CEMIP: variants seen among roughly 807,000 people sequenced by gnomAD.
CEMIP encodes cell migration-inducing and hyaluronan-binding protein.
A neutral mutation model predicts 156.9 loss-of-function variants in CEMIP; 105 were observed. The ratio of observed to expected loss-of-function variants is 0.67; its 90% CI spans 0.57 to 0.79. The LOEUF (loss-of-function observed/expected upper bound fraction) is 0.79. CEMIP is among the 30% of genes least tolerant of loss of function. The probability of loss-of-function intolerance (pLI) is 0.00; values close to 1 mark genes in which losing one functional copy is unlikely to be tolerated. For missense variants in CEMIP, 1,457 were observed against 1,769.4 expected, an observed-to-expected ratio of 0.82 and a Z score of 3.17; for synonymous variants, 676 against 668.4, an observed-to-expected ratio of 1.01 and a Z score of -0.17.
At chr15:80,896,174 G>A (rs752126339) in intron 12 of CEMIP, 114 bp downstream of exon 12, 6 of 1,075,466 alleles carry the variant, frequency 5.6e-6, no homozygotes, top group East Asian at 2.4e-5. Context: ...TAATAATGCT[G>A]CATAACAAAA....
At chr15:80,904,606 G>A (rs998588390) in intron 12 of CEMIP, among the ~76,000 whole-genome samples, 1 of 152,146 alleles carries the variant, frequency 6.6e-6, no homozygotes, top group Non-Finnish European at 1.5e-5. Context: ...ACACAGGAAG[G>A]TCAGAGTCAG....
intron 12 of CEMIP, among the ~76,000 whole-genome samples, chr15:80,896,618 A>T (rs546480876): frequency 2.0e-5 from 3 of 152,280 alleles, no homozygotes; most frequent in East Asian, 1.9e-4. Flanking sequence ...CTTGATTTAG[A>T]TGTCCTGTAA....
intron 1 of CEMIP, among the ~76,000 whole-genome samples, chr15:80,808,100 T>C (rs569275551): frequency 2.4e-4 from 36 of 152,226 alleles, no homozygotes; most frequent in Non-Finnish European, 5.1e-4. Flanking sequence ...TCACTCTTAG[T>C]AACCCTTTGA....
chr15:80,909,461 C>T (rs1337939076), intron 14 of CEMIP, 155 bp downstream of exon 14: 7 of 768,676 alleles, frequency 9.1e-6, no homozygotes, highest in South Asian at 8.8e-5. Context: ...AGCAGATCAC[C>T]AACCAAACAG....
intron 1 of CEMIP, among the ~76,000 whole-genome samples, chr15:80,824,152 G>C (rs1896975037): frequency 6.6e-6 from 1 of 152,160 alleles, no homozygotes; most frequent in South Asian, 2.1e-4. Context: ...GGCACACTGG[G>C]GGGCCCTGGG....
chr15:80,820,651 A>T (rs1896888830), intron 1 of CEMIP, among the ~76,000 whole-genome samples: 1 of 152,242 alleles, frequency 6.6e-6, no homozygotes, highest in South Asian at 2.1e-4. Context: ...AATAATAGTT[A>T]TTAAGGGCAC....
intron 3 of CEMIP, among the ~76,000 whole-genome samples, chr15:80,877,864 CAG>C (rs1898525254): frequency 6.6e-6 from 1 of 152,226 alleles, no homozygotes; most frequent in African/African-American, 2.4e-5. Context: ...ATAGGAAACA[CAG>C]ATGCCATCAG....
chr15:80,937,008 A>G (rs1029006582), intron 24 of CEMIP, 123 bp downstream of exon 24: 2 of 911,856 alleles, frequency 2.2e-6, no homozygotes, highest in Non-Finnish European at 1.8e-6. Context: ...AGGAGTACCT[A>G]GAGGGGTTGA....
In CEMIP at chr15:80,933,233, G is replaced by A. The variant is rs750152006; in HGVS notation, c.2794-12G>A. The A allele has an allele frequency of 1.9e-6, 3 of 1,612,106 alleles. No individual in the cohort carries two copies. Among genetic ancestry groups the A allele is most frequent in the Non-Finnish European group, 2.5e-6 (3 of 1,178,168 alleles). The stretch of plus-strand genomic sequence containing the variant: ...CTTCTAGCCCTGCCTAACTTTCCTG[G>A]GCTCTGTTTAGATTACTTCCAGAGT... On this transcript the variant is annotated splice_polypyrimidine_tract_variant and intron_variant, in intron 22 of 29. Coordinates refer to ENST00000394685, the MANE Select transcript of CEMIP (RefSeq NM_001293298.2).
chr15:80,791,018 T>C (rs1896067545), intron 1 of CEMIP, among the ~76,000 whole-genome samples: 1 of 152,102 alleles, frequency 6.6e-6, no homozygotes, highest in African/African-American at 2.4e-5. Context: ...AAGTGATATT[T>C]GATTGGGCCT....
intron 14 of CEMIP, among the ~76,000 whole-genome samples, chr15:80,910,808 T>C (rs1276751644): frequency 2.0e-5 from 3 of 152,206 alleles, no homozygotes; most frequent in African/African-American, 7.2e-5. Context: ...CATGTGGAGA[T>C]GCTGTCCACA....
intron 12 of CEMIP, chr15:80,897,117 A>G (rs1445248777): frequency 9.1e-6 from 3 of 331,480 alleles, no homozygotes; most frequent in Non-Finnish European, 1.8e-5. Flanking sequence ...GGGATATATT[A>G]CCAGAAGAAA....
At chr15:80,819,508 A>G (rs933096896) in intron 1 of CEMIP, among the ~76,000 whole-genome samples, 1 of 152,216 alleles carries the variant, frequency 6.6e-6, no homozygotes, top group African/African-American at 2.4e-5. Context: ...TGTCTTGATC[A>G]TGACAGGATG....
At position 80,931,856 on chromosome 15, in the gene CEMIP, T is replaced by C. The variant is rs1414580257; in HGVS notation, c.2613-3T>C. 9.3e-6 allele frequency: 15 copies of C among 1,613,572 alleles called. No homozygotes were observed. The highest frequency in any genetic ancestry group is 1.3e-5 in the African/African-American group (1 of 74,904). On this transcript the variant is annotated splice_polypyrimidine_tract_variant and splice_region_variant and intron_variant, in intron 21 of 29. Coordinates refer to ENST00000394685, the MANE Select transcript of CEMIP (RefSeq NM_001293298.2). Reference sequence around the variant, plus strand: ...CTGACATCTTACTTCCTTAACTCCGTAGGAATTTTCCAATTAGAGGAATTC... The same window carrying C: ...CTGACATCTTACTTCCTTAACTCCGCAGGAATTTTCCAATTAGAGGAATTC...
chr15:80,897,718 A>C (rs1040083383), intron 12 of CEMIP, among the ~76,000 whole-genome samples: 3 of 152,238 alleles, frequency 2.0e-5, no homozygotes, highest in Admixed American at 2.0e-4. Context: ...GTCCAAGTAA[A>C]TCTGGCAATG....
At chr15:80,923,364 G>C (rs955562414) in intron 17 of CEMIP, among the ~76,000 whole-genome samples, 5 of 152,192 alleles carry the variant, frequency 3.3e-5, no homozygotes, top group Non-Finnish European at 4.4e-5. Flanking sequence ...GCATACTGCT[G>C]TTGGTGGCAG....
At chr15:80,787,229 G>A (rs1378154146) in intron 1 of CEMIP, among the ~76,000 whole-genome samples, 1 of 152,252 alleles carries the variant, frequency 6.6e-6, no homozygotes, top group African/African-American at 2.4e-5. Flanking sequence ...TGGGCCTGGA[G>A]CCAGCTCTAA....
At chr15:80,925,513 A>C in intron 18 of CEMIP, 111 bp from the exon 19 acceptor site, 1 of 1,461,218 alleles carries the variant, frequency 6.8e-7, no homozygotes. Context: ...TGTTCAGTCA[A>C]TGCCTTCCTG....
intron 4 of CEMIP, among the ~76,000 whole-genome samples, chr15:80,879,481 C>T (rs1898572013): frequency 6.6e-6 from 1 of 152,176 alleles, no homozygotes; most frequent in South Asian, 2.1e-4. Flanking sequence ...GCCATTTAAT[C>T]AGCGACTGGA....
Sources: allele counts gnomAD v4.1 joint callset (sites outside exome capture counted in the v4.1 genomes callset), GRCh38; gene constraint gnomAD v4.1.1; transcripts MANE v1.5; gene names NCBI Gene and HGNC (gene_info 2026-07-23, HGNC 2026-07-21).